The following CREBBP variants were observed in gnomAD, a reference collection of about 807,000 sequenced individuals.
CREBBP encodes the protein CREB binding lysine acetyltransferase.
CREBBP carries 19 observed loss-of-function variants against 265.0 expected under a neutral mutation model. The ratio of observed to expected loss-of-function variants is 0.07; its 90% CI spans 0.05 to 0.11. CREBBP has a LOEUF of 0.11. Ranked by LOEUF, CREBBP falls within the 10% of genes least tolerant of loss-of-function variation. CREBBP has a pLI of 1.00. For synonymous variants in CREBBP, 1,457 were observed against 1,223.7 expected, an observed-to-expected ratio of 1.19 and a Z score of -3.98; for missense variants, 2,525 against 3,219.0, an observed-to-expected ratio of 0.78 and a Z score of 5.22.
At chr16:3,849,676 C>G (rs2054785548) in intron 2 of CREBBP, among the ~76,000 whole-genome samples, 1 of 151,508 alleles carries the variant, frequency 6.6e-6, no homozygotes, top group African/African-American at 2.4e-5. Context: ...CAGCACCCAT[C>G]TGGAGGCTTC....
rs756300755 is a variant in CREBBP, at chr16:3,728,714, A to C, written c.6333T>G (p.Asn2111Lys). 2 of 1,613,790 alleles carry C rather than the reference A, an allele frequency of 1.2e-6. No homozygotes were observed. The highest frequency in any genetic ancestry group is 1.1e-5 in the South Asian group (1 of 91,084). The change falls in exon 31 of 31, where the codon AAT becomes AAG. Residue 2111 changes from asparagine to lysine, a missense_variant. Asn to Lys is a moderately conservative substitution (Grantham distance 94, BLOSUM62 0). This residue lies in a region of CREBBP where 473 missense variants were observed against 459.3 expected (regional missense o/e 1.03). Transcript: ENST00000262367. The surrounding 1 kb of genome is among the most constrained non-coding windows in gnomAD (Gnocchi z 8.7). ...CAGGCTGGGGCTGCATGCCGGGCTG[A>C]TTGGCCACGTACTTGGCTGTGCGCT... ...IKQRTAKYVA[N>K]QPGMQPQPGL... is the part of the protein sequence containing the mutation.
Position 3,729,338 on chromosome 16 carries a change from C to T in CREBBP, c.5709G>A (p.Pro1903=), listed in dbSNP as rs773624477. The T allele has an allele frequency of 1.5e-5, 24 of 1,584,692 alleles. No individual in the cohort carries two copies. Among genetic ancestry groups the T allele is most frequent in the South Asian group, 5.6e-5 (5 of 89,122 alleles). The change falls in exon 31 of 31, where the codon CCG becomes CCA. Residue 1903 remains proline (P), a synonymous_variant. Transcript: ENST00000262367. ...AGGGTTGGGGCTGGGCAGGGGGCTGCGGCGTCTGGGGTGTGCTGGGCTGCT... is the reference window on the plus strand; with the variant it reads ...AGGGTTGGGGCTGGGCAGGGGGCTGTGGCGTCTGGGGTGTGCTGGGCTGCT... The part of the protein sequence containing the change: ...PTQQPSTPQT[P]QPPAQPQPSP...
chr16:3,732,528 C>T (rs1490850619), intron 28 of CREBBP, among the ~76,000 whole-genome samples: 5 of 152,268 alleles, frequency 3.3e-5, no homozygotes, highest in South Asian at 2.1e-4. Flanking sequence ...CTGGAAAGAA[C>T]GCAGGATTAC....
intron 2 of CREBBP, among the ~76,000 whole-genome samples, chr16:3,840,367 T>A (rs564754245): frequency 5.9e-5 from 9 of 152,244 alleles, no homozygotes; most frequent in African/African-American, 2.2e-4. Flanking sequence ...CCAGGCAACA[T>A]AGCAACACCA....
At chr16:3,825,946 G>A (rs2054228410) in intron 2 of CREBBP, among the ~76,000 whole-genome samples, 1 of 152,194 alleles carries the variant, frequency 6.6e-6, no homozygotes, top group Non-Finnish European at 1.5e-5. Context: ...ATGAGGCCAG[G>A]CATGGTGGCT....
chr16:3,849,427 GTGTGTGT>G (rs2054749453), intron 2 of CREBBP, among the ~76,000 whole-genome samples: 36 of 16,386 alleles, frequency 2.2e-3, no homozygotes, highest in South Asian at 0.014. Flanking sequence ...GTGTGTGTGT[GTGTGTGT>G]GTGTGTGTGT....
At chr16:3,761,609 G>A in intron 16 of CREBBP, 1 of 517,514 alleles carries the variant, frequency 1.9e-6, no homozygotes, top group Non-Finnish European at 3.9e-6. Context: ...TCCTCTCCAG[G>A]GCACGTGGCT....
chr16:3,833,104 G>A (rs2054374577), intron 2 of CREBBP, among the ~76,000 whole-genome samples: 1 of 152,176 alleles, frequency 6.6e-6, no homozygotes, highest in Admixed American at 6.5e-5. Flanking sequence ...GAAGAACACT[G>A]TCATTGGTTT....
intron 11 of CREBBP, among the ~76,000 whole-genome samples, chr16:3,775,032 A>G (rs2053103995): frequency 6.6e-6 from 1 of 152,166 alleles, no homozygotes; most frequent in South Asian, 2.1e-4. Context: ...AAAGTGTCAT[A>G]GCAACAAAGA....
Position 3,777,654 on chromosome 16 carries a change from C to G in CREBBP, c.2117G>C (p.Gly706Ala). The G allele has an allele frequency of 6.2e-7, 1 of 1,614,034 alleles. No individual in the cohort carries two copies. Among genetic ancestry groups the G allele is most frequent in the Non-Finnish European group, 8.5e-7 (1 of 1,180,026 alleles). ...GCGATTCACTGGCAGGGACAGGGGTCCATCTATGGTGGCAAAACAAAAACA... is the reference window on the plus strand; with the variant it reads ...GCGATTCACTGGCAGGGACAGGGGTGCATCTATGGTGGCAAAACAAAAACA... ...PQAQPVRPPN[G>A]PLSLPVNRMQ... Residue 706 changes from glycine (G) to alanine (A), a missense_variant, in exon 11 of 31, where the codon GGA (glycine) becomes GCA (alanine). Physicochemically the swap from Gly to Ala is moderately conservative, Grantham distance 60. This residue lies in a region of CREBBP where 548 missense variants were observed against 533.0 expected (regional missense o/e 1.03). Transcript: ENST00000262367.
intron 3 of CREBBP, among the ~76,000 whole-genome samples, chr16:3,806,781 A>G (rs191175677): frequency 1.3e-5 from 2 of 151,984 alleles, no homozygotes; most frequent in Non-Finnish European, 2.9e-5. Flanking sequence ...GCCCCCTGAA[A>G]TGGTTCCTGC....
intron 2 of CREBBP, among the ~76,000 whole-genome samples, chr16:3,839,509 T>G (rs1215113234): frequency 6.6e-6 from 1 of 151,852 alleles, no homozygotes; most frequent in Non-Finnish European, 1.5e-5. Context: ...GGTGAAACCC[T>G]GTCTCTACTG....
chr16:3,732,832 C>G (rs977995817), intron 28 of CREBBP, among the ~76,000 whole-genome samples: 1 of 151,990 alleles, frequency 6.6e-6, no homozygotes. Flanking sequence ...TCCCTAGTAG[C>G]TGAGATTATA....
intron 16 of CREBBP, among the ~76,000 whole-genome samples, chr16:3,760,834 C>A (rs931922706): frequency 3.3e-5 from 5 of 151,998 alleles, no homozygotes; most frequent in Admixed American, 3.3e-4. Context: ...CTTGTCATAT[C>A]ACTATGTTGC....
intron 2 of CREBBP, among the ~76,000 whole-genome samples, chr16:3,823,911 G>A (rs908891296): frequency 1.3e-5 from 2 of 152,014 alleles, no homozygotes; most frequent in African/African-American, 4.8e-5. Context: ...CTCTTCAGCA[G>A]TGATGCTCTT....
At chr16:3,858,006 C>T (rs1033393278) in intron 1 of CREBBP, among the ~76,000 whole-genome samples, 9 of 152,170 alleles carry the variant, frequency 5.9e-5, no homozygotes, top group Non-Finnish European at 1.3e-4. Flanking sequence ...AACTGTTTAC[C>T]AAGCAAGGTA....
At chr16:3,872,572 T>G (rs905466201) in intron 1 of CREBBP, among the ~76,000 whole-genome samples, 1 of 152,106 alleles carries the variant, frequency 6.6e-6, no homozygotes, top group Non-Finnish European at 1.5e-5. Context: ...CTTTTCCAGT[T>G]AAAGCAAGGA....
rs187248454 is a variant in CREBBP at position 3,801,934 on chromosome 16, G to C, written c.976-8308C>G. On this transcript the variant is annotated intron_variant, in intron 3 of 30. Transcript: ENST00000262367. ...TTACTATTTTGAGCCACTGAGTAAA[G>C]GGAGGTTAACACAAAGCTCACTGAG... 2.1e-3 allele frequency among the ~76,000 whole-genome samples: 313 copies of C among 152,096 alleles called. 1 individual carries two copies. The highest frequency in any genetic ancestry group is 3.5e-3 in the Non-Finnish European group (237 of 68,000).
chr16:3,842,702 T>C (rs1186415418), intron 2 of CREBBP, among the ~76,000 whole-genome samples: 1 of 152,086 alleles, frequency 6.6e-6, no homozygotes, highest in African/African-American at 2.4e-5. Context: ...CGGTGGCTCA[T>C]GCCTGTAACC....
Sources: gnomAD v4.1 joint callset for allele counts (sites outside exome capture counted in the v4.1 genomes callset) on GRCh38, gnomAD v4.1.1 for gene constraint, gnomAD v4.1.1 regional missense constraint, Gnocchi (gnomAD v3.1) non-coding constraint, MANE v1.5 for transcripts, NCBI Gene and HGNC (gene_info 2026-07-23, HGNC 2026-07-21) for gene names.